The following MGAT4C variants were observed in gnomAD, a reference collection of about 807,000 sequenced individuals.
The protein encoded by MGAT4C is alpha-1,3-mannosyl-glycoprotein 4-beta-N-acetylglucosaminyltransferase C.
A neutral mutation model predicts 40.1 loss-of-function variants in MGAT4C; 19 were observed. The ratio of observed to expected loss-of-function variants is 0.47; its 90% CI spans 0.33 to 0.70. The LOEUF is 0.70. Among genes scored for constraint, MGAT4C ranks in the 30% least tolerant of loss-of-function variants. The pLI, the probability that MGAT4C is intolerant of heterozygous loss-of-function variation, is 0.02. For missense variants in MGAT4C, 491 were observed against 563.2 expected (o/e 0.87, Z 1.30); for synonymous variants, 181 against 187.1 (o/e 0.97, Z 0.27).
intron 2 of MGAT4C, among the ~76,000 whole-genome samples, chr12:86,529,022 C>T (rs1958932799): frequency 6.6e-6 from 1 of 151,848 alleles, no homozygotes; most frequent in Non-Finnish European, 1.5e-5. Context: ...CATTAAAACT[C>T]ACTTCTCCAG....
upstream of MGAT4C, among the ~76,000 whole-genome samples, chr12:86,258,076 AT>A (rs1209637710): frequency 6.6e-6 from 1 of 152,132 alleles, no homozygotes; most frequent in African/African-American, 2.4e-5. Context: ...TTAAAGACAC[AT>A]GGAAGATTTA....
rs527363058 is a variant in MGAT4C, at chr12:85,958,485, C to G, written c.*20804G>C. On this transcript the variant is annotated 3_prime_UTR_variant, in exon 5 of 5. Transcript: ENST00000611864. ...CTCAGACATATAAATTATCATAATA[C>G]TTTACATTGAGTCTCTATGGTTGAC... is the stretch of plus-strand genomic sequence containing the variant. 4 of 152,146 alleles carry G rather than the reference C, an allele frequency of 2.6e-5. No homozygotes were observed. Among genetic ancestry groups the G allele is most frequent in the African/African-American group, 7.2e-5 (3 of 41,506 alleles). 9.4% of individuals were successfully genotyped at this position (152,146 alleles called of 1,614,324 possible).
chr12:86,236,624 C>T (rs1189136875), intron 1 of MGAT4C, among the ~76,000 whole-genome samples: 16 of 151,898 alleles, frequency 1.1e-4, no homozygotes, highest in Admixed American at 1.1e-3. Flanking sequence ...ACATAGAATG[C>T]TTCTTTATTA....
At chr12:86,296,141 GA>G (rs1223209247) in intron 4 of MGAT4C, among the ~76,000 whole-genome samples, 1 of 140,824 alleles carries the variant, frequency 7.1e-6, no homozygotes, top group African/African-American at 2.7e-5. Flanking sequence ...ACAGGGTGCT[GA>G]CTGGTTTGTT....
chr12:86,807,576 C>A (rs1009527170), intron 1 of MGAT4C, among the ~76,000 whole-genome samples: 6 of 152,080 alleles, frequency 3.9e-5, no homozygotes, highest in Non-Finnish European at 1.5e-5. Flanking sequence ...AATAGCGCTG[C>A]AATGAAAGTA....
At chr12:86,522,117 T>A (rs1958804879) in intron 2 of MGAT4C, among the ~76,000 whole-genome samples, 1 of 152,188 alleles carries the variant, frequency 6.6e-6, no homozygotes. Flanking sequence ...CTAATTACTC[T>A]GCTCAGGACT....
intron 1 of MGAT4C, among the ~76,000 whole-genome samples, chr12:86,108,015 T>C (rs961572752): frequency 1.3e-5 from 2 of 152,074 alleles, no homozygotes; most frequent in Non-Finnish European, 2.9e-5. Context: ...TTTTTCCCTG[T>C]ATGGAAAAGT....
chr12:86,451,426 A>G (rs148739119), intron 2 of MGAT4C, among the ~76,000 whole-genome samples: 97 of 152,286 alleles, frequency 6.4e-4, no homozygotes, highest in African/African-American at 2.1e-3. Flanking sequence ...CTTTATAGCA[A>G]TGTGAGAACA....
chr12:86,769,780 C>T (rs1010178316), intron 1 of MGAT4C, among the ~76,000 whole-genome samples: 9 of 151,994 alleles, frequency 5.9e-5, no homozygotes, highest in African/African-American at 2.2e-4. Context: ...AAACCAAACA[C>T]CGCATGTTCT....
chr12:86,410,636 G>A (rs1211303721), intron 3 of MGAT4C, among the ~76,000 whole-genome samples: 7 of 152,042 alleles, frequency 4.6e-5, no homozygotes, highest in Non-Finnish European at 7.4e-5. Context: ...CTGAGGTGAC[G>A]TACATTCTCA....
chr12:86,672,775 G>C (rs1371211901), intron 2 of MGAT4C, among the ~76,000 whole-genome samples: 1 of 152,048 alleles, frequency 6.6e-6, no homozygotes, highest in African/African-American at 2.4e-5. Flanking sequence ...GGCAGGCAGG[G>C]AAAATGTTGA....
rs1299782606 is a variant in MGAT4C, at chr12:85,972,091, ATCT to A, written c.*7195_*7197del. ...GACAATTCATATATATGTCTTGAAA[ATCT>A]TCTTGACAATTTGTGACAAATTTTC... On this transcript the variant is annotated 3_prime_UTR_variant, in exon 5 of 5. Coordinates refer to ENST00000611864, the MANE Select transcript of MGAT4C (RefSeq NM_001351288.2). 2 of 151,138 alleles carry A rather than the reference ATCT, an allele frequency of 1.3e-5. No individual in the cohort carries two copies. The highest frequency in any genetic ancestry group is 3.9e-4 in the East Asian group (2 of 5,188). The allele number at this position is 151,138 out of a possible 1,614,324, so 9.4% of individuals were successfully genotyped here.
chr12:86,798,645 C>G (rs1213852184), intron 1 of MGAT4C, among the ~76,000 whole-genome samples: 2 of 151,846 alleles, frequency 1.3e-5, no homozygotes, highest in Non-Finnish European at 2.9e-5. Context: ...TACCTACAGC[C>G]TTCTAATTCC....
chr12:86,147,086 T>C (rs1883621439), intron 1 of MGAT4C, among the ~76,000 whole-genome samples: 1 of 152,180 alleles, frequency 6.6e-6, no homozygotes, highest in Admixed American at 6.5e-5. Flanking sequence ...AATGTGTGTG[T>C]GTGTCTGGTG....
At chr12:86,492,879 A>T (rs1246400553) in intron 2 of MGAT4C, among the ~76,000 whole-genome samples, 1 of 152,202 alleles carries the variant, frequency 6.6e-6, no homozygotes, top group African/African-American at 2.4e-5. Flanking sequence ...AATGGGAGAA[A>T]ATTTTGCAAC....
intron 2 of MGAT4C, among the ~76,000 whole-genome samples, chr12:86,447,010 A>T (rs1355598047): frequency 6.6e-6 from 1 of 152,122 alleles, no homozygotes; most frequent in African/African-American, 2.4e-5. Flanking sequence ...TTAAACATTG[A>T]TTAAAAGATG....
chr12:86,491,669 A>G (rs1958138096), intron 2 of MGAT4C, among the ~76,000 whole-genome samples: 1 of 151,776 alleles, frequency 6.6e-6, no homozygotes, highest in Non-Finnish European at 1.5e-5. Context: ...GCTATCTATG[A>G]CAAACCCACA....
chr12:86,068,156 T>C (rs1019399702), intron 1 of MGAT4C: 1 of 152,214 alleles, frequency 6.6e-6, no homozygotes, highest in Non-Finnish European at 1.5e-5. Context: ...ATCAAACATA[T>C]ATCACACATT....
In MGAT4C at chr12:85,989,382, T is replaced by G; in HGVS notation, c.147+18A>C. The G allele has an allele frequency of 6.4e-7, 1 of 1,550,570 alleles. No homozygotes were observed. Among genetic ancestry groups the G allele is most frequent in the Non-Finnish European group, 8.7e-7 (1 of 1,150,000 alleles). Reference sequence around the variant, plus strand: ...ATGCCTTATTTTGAAGAAAAGACAATCAACCTCCCAAACTTACCAGAACAT... The same window carrying G: ...ATGCCTTATTTTGAAGAAAAGACAAGCAACCTCCCAAACTTACCAGAACAT... On this transcript the variant is annotated intron_variant, in intron 3 of 4. Coordinates refer to ENST00000611864, the MANE Select transcript of MGAT4C (RefSeq NM_001351288.2).
Sources: gnomAD v4.1 joint callset for allele counts (sites outside exome capture counted in the v4.1 genomes callset) on GRCh38, gnomAD v4.1.1 for gene constraint, MANE v1.5 for transcripts, NCBI Gene and HGNC (gene_info 2026-07-23, HGNC 2026-07-21) for gene names.